Variants in CTIF observed in about 807,000 individuals in gnomAD.
The protein encoded by CTIF is cap binding complex dependent translation initiation factor.
A neutral mutation model predicts 66.0 loss-of-function variants in CTIF; 21 were observed. That is an observed-to-expected ratio of 0.32 (90% CI 0.23 to 0.46). The LOEUF is 0.46. CTIF is among the 20% of genes least tolerant of loss of function. The pLI is 1.00. For synonymous variants in CTIF, 345 were observed against 326.4 expected, an observed-to-expected ratio of 1.06 and a Z score of -0.62; for missense variants, 739 against 812.7, an observed-to-expected ratio of 0.91 and a Z score of 1.10.
chr18:48,574,932 A>C (rs1911196091), intron 1 of CTIF, among the ~76,000 whole-genome samples: 1 of 152,198 alleles, frequency 6.6e-6, no homozygotes, highest in African/African-American at 2.4e-5. Context: ...TGGGCTAGCC[A>C]CATGTCTACC....
intron 2 of CTIF, among the ~76,000 whole-genome samples, chr18:48,631,683 C>T (rs756366017): frequency 6.6e-6 from 1 of 152,168 alleles, no homozygotes; most frequent in Non-Finnish European, 1.5e-5. Flanking sequence ...AATTAAGACA[C>T]GAATTTTAAT....
intron 2 of CTIF, among the ~76,000 whole-genome samples, chr18:48,631,325 G>T (rs181853415): frequency 2.0e-5 from 3 of 152,312 alleles, no homozygotes; most frequent in African/African-American, 7.2e-5. Context: ...AATTAACCGG[G>T]TGTGGTGGAG....
At chr18:48,611,626 CAG>C (rs891715004) in intron 1 of CTIF, among the ~76,000 whole-genome samples, 3 of 152,242 alleles carry the variant, frequency 2.0e-5, no homozygotes, top group African/African-American at 7.2e-5. Context: ...TGCTGAGTCT[CAG>C]GCCCCAACTC....
At chr18:48,776,215 G>A (rs1910656092) in intron 9 of CTIF, among the ~76,000 whole-genome samples, 1 of 152,218 alleles carries the variant, frequency 6.6e-6, no homozygotes, top group African/African-American at 2.4e-5. Context: ...TTACTGCCTT[G>A]TAGGAGAGGG....
At chr18:48,568,648 A>G (rs962985076) in intron 1 of CTIF, among the ~76,000 whole-genome samples, 3 of 139,694 alleles carry the variant, frequency 2.1e-5, no homozygotes, top group Non-Finnish European at 4.6e-5. Context: ...AAAAAAAAAA[A>G]AAAAAAAAAA....
chr18:48,729,041 T>C (rs1410366053), intron 7 of CTIF, among the ~76,000 whole-genome samples: 3 of 152,132 alleles, frequency 2.0e-5, no homozygotes, highest in Non-Finnish European at 4.4e-5. Flanking sequence ...TGATTCAACT[T>C]CAAACCTCTC....
At chr18:48,751,116 A>G (rs1224825342) in intron 7 of CTIF, among the ~76,000 whole-genome samples, 5 of 152,136 alleles carry the variant, frequency 3.3e-5, no homozygotes, top group African/African-American at 1.2e-4. Context: ...GCTAGCTATG[A>G]ACCATTCTTC....
intron 10 of CTIF, among the ~76,000 whole-genome samples, chr18:48,821,963 C>T (rs1316889): frequency 0.3 from 45,375 of 152,070 alleles, 7,974 homozygotes; most frequent in African/African-American, 0.49. Context: ...AACTTTCACC[C>T]ATTGATTAGC....
chr18:48,555,206 G>A (rs2088989307), intron 1 of CTIF, among the ~76,000 whole-genome samples: 1 of 152,192 alleles, frequency 6.6e-6, no homozygotes, highest in South Asian at 2.1e-4. Flanking sequence ...CTATATTTCT[G>A]TTAATGTAGC....
At chr18:48,770,392 A>G (rs1390066321) in intron 9 of CTIF, among the ~76,000 whole-genome samples, 1 of 152,280 alleles carries the variant, frequency 6.6e-6, no homozygotes, top group East Asian at 1.9e-4. Context: ...GAGAAAGCCC[A>G]AAGTGCCTTT....
At chr18:48,809,087 A>G (rs912985896) in intron 9 of CTIF, among the ~76,000 whole-genome samples, 1 of 152,178 alleles carries the variant, frequency 6.6e-6, no homozygotes, top group Non-Finnish European at 1.5e-5. Flanking sequence ...AATTTTCTTT[A>G]TAGAATTCTT....
At chr18:48,787,147 T>G (rs1418679449) in intron 9 of CTIF, among the ~76,000 whole-genome samples, 1 of 152,016 alleles carries the variant, frequency 6.6e-6, no homozygotes, top group Admixed American at 6.5e-5. Flanking sequence ...AGCAGCTGTG[T>G]GGGGGGCACC....
At chr18:48,563,553 C>T (rs1021457742) in intron 1 of CTIF, among the ~76,000 whole-genome samples, 1 of 152,180 alleles carries the variant, frequency 6.6e-6, no homozygotes, top group East Asian at 1.9e-4. Context: ...CTCACTGCAA[C>T]CTCCACCTCC....
At chr18:48,766,552 A>T (rs1909559353) in intron 9 of CTIF, among the ~76,000 whole-genome samples, 2 of 152,220 alleles carry the variant, frequency 1.3e-5, no homozygotes, top group South Asian at 4.1e-4. Context: ...GTTGAATTAG[A>T]TTCTCCAAGG....
intron 3 of CTIF, among the ~76,000 whole-genome samples, chr18:48,646,342 G>A (rs1218169117): frequency 3.3e-5 from 5 of 152,102 alleles, no homozygotes. Context: ...CATTAGCCAT[G>A]ACGGAGACGC....
chr18:48,553,666 T>A (rs867785939), intron 1 of CTIF, among the ~76,000 whole-genome samples: 1 of 140,220 alleles, frequency 7.1e-6, no homozygotes, highest in African/African-American at 3.3e-5. Flanking sequence ...TTTCCTTTTT[T>A]TTTTTTTTGA....
At chr18:48,677,529 G>A (rs2091651418) in intron 6 of CTIF, among the ~76,000 whole-genome samples, 1 of 152,192 alleles carries the variant, frequency 6.6e-6, no homozygotes, top group South Asian at 2.1e-4. Context: ...GAACTGAGAA[G>A]GTCCTTGCTT....
chr18:48,640,544 G>A (rs558757018), intron 3 of CTIF, among the ~76,000 whole-genome samples: 17 of 152,326 alleles, frequency 1.1e-4, no homozygotes, highest in East Asian at 3.9e-4. Context: ...ATTTTCACCC[G>A]TGGGGACAAT....
chr18:48,677,906 G>A (rs900387805), intron 6 of CTIF, among the ~76,000 whole-genome samples: 4 of 152,118 alleles, frequency 2.6e-5, no homozygotes, highest in Non-Finnish European at 5.9e-5. Flanking sequence ...TCTGAGCTGC[G>A]GGCTGCATAT....
Sources: gnomAD v4.1 joint callset for allele counts (sites outside exome capture counted in the v4.1 genomes callset) on GRCh38, gnomAD v4.1.1 for gene constraint, MANE v1.5 for transcripts, NCBI Gene and HGNC (gene_info 2026-07-23, HGNC 2026-07-21) for gene names.